Variants in MAGEB17 observed in about 807,000 individuals in gnomAD.
MAGEB17 encodes the protein melanoma-associated antigen B17.
For synonymous variants in MAGEB17, 110 were observed against 112.4 expected (o/e 0.98, Z 0.13); for missense variants, 251 against 281.4 (o/e 0.89, Z 0.77).
At chrX:16,169,148 C>A (rs1247596601) in intron 1 of MAGEB17, among the ~76,000 whole-genome samples, 1 of 111,502 alleles carries the variant, frequency 9.0e-6, no homozygotes, top group East Asian at 2.8e-4. Context: ...TGGTGGGAGT[C>A]AAGGGGAGAA....
chrX:16,167,796 AT>A lies in MAGEB17; in HGVS notation c.-50+14del, dbSNP rs1922972808. 9.0e-6 allele frequency: 1 copy of A among 111,684 alleles called. No individual in the cohort carries two copies. Among genetic ancestry groups the A allele is most frequent in the African/African-American group, 3.3e-5 (1 of 30,648 alleles). 9.2% of individuals were successfully genotyped at this position (111,684 alleles called of 1,213,427 possible). ...GTTGGGTATCAAGGTAAGGACCCTG[AT>A]CGTGGACTGAAAGGCCCACCACACG... is the stretch of plus-strand genomic sequence containing the variant. On this transcript the variant is annotated intron_variant, in intron 1 of 1. Transcript: ENST00000400004.
chrX:16,170,198 AG>A (rs1923025320), intron 1 of MAGEB17, 135 bp from the exon 2 acceptor site: 2 of 905,195 alleles, frequency 2.2e-6, no homozygotes, highest in Non-Finnish European at 2.9e-6. Context: ...CAGGGTCCCC[AG>A]GGGACAGGCT....
chrX:16,170,688 G>A lies in MAGEB17; in HGVS notation c.306G>A (p.Glu102=), dbSNP rs908450732. 33 of 1,165,799 alleles carry A rather than the reference G, an allele frequency of 2.8e-5. No individual in the cohort carries two copies. The highest frequency in any genetic ancestry group is 3.6e-5 in the Non-Finnish European group (31 of 872,901). ...CCTTCCATGGCCCGTCCTCCTCTGA[G>A]AGCACAGGAAGAGATCTTCTGAACA... ...PNSFHGPSSS[E]STGRDLLNTK... The change falls in exon 2 of 2, where the codon GAG becomes GAA. Residue 102 remains glutamate, a synonymous_variant. Coordinates refer to ENST00000400004, the MANE Select transcript of MAGEB17 (RefSeq NM_001277307.2).
Position 16,171,232 on chromosome X carries a change from A to G in MAGEB17, c.850A>G (p.Met284Val), listed in dbSNP as rs1923059202. 1 of 1,210,267 alleles carries G rather than the reference A, an allele frequency of 8.3e-7. No homozygotes were observed. Among genetic ancestry groups the G allele is most frequent in the Non-Finnish European group, 1.1e-6 (1 of 894,905 alleles). Residue 284 changes from methionine to valine, a missense_variant, in exon 2 of 2, where the codon ATG becomes GTG. Physicochemically the swap from Met to Val is conservative, Grantham distance 21 (BLOSUM62 1). Coordinates refer to ENST00000400004, the MANE Select transcript of MAGEB17 (RefSeq NM_001277307.2). Reference protein sequence around the residue: ...GPRARAETSKMKVLEFVAKLN... With the variant: ...GPRARAETSKVKVLEFVAKLN... ...CAGGGCCCGTGCTGAAACCAGCAAA[A>G]TGAAAGTCCTGGAGTTTGTGGCCAA...
intron 1 of MAGEB17, 104 bp downstream of exon 1, chrX:16,167,887 G>A (rs750493401): frequency 1.8e-5 from 2 of 111,934 alleles, no homozygotes; most frequent in Non-Finnish European, 3.8e-5. Flanking sequence ...CCTCAGCCGC[G>A]GGAGGCTCCA....
In MAGEB17 at chrX:16,170,633, C is replaced by T. The variant is rs1482647433; in HGVS notation, c.251C>T (p.Ala84Val). 2 of 1,167,061 alleles carry T rather than the reference C, an allele frequency of 1.7e-6. No homozygotes were observed. The highest frequency in any genetic ancestry group is 2.3e-6 in the Non-Finnish European group (2 of 873,063). ...AVSLTSSDEGAKGQKGESPNS... is the reference protein window; with the variant it reads ...AVSLTSSDEGVKGQKGESPNS... The stretch of plus-strand genomic sequence containing the variant: ...TCACTCACAAGTTCTGATGAAGGTG[C>T]CAAGGGCCAAAAGGGGGAAAGTCCC... The change falls in exon 2 of 2, where the codon GCC (alanine) becomes GTC (valine). Residue 84 changes from alanine (A) to valine (V), a missense_variant. Physicochemically the swap from Ala to Val is moderately conservative, Grantham distance 64. Coordinates refer to ENST00000400004, the MANE Select transcript of MAGEB17 (RefSeq NM_001277307.2).
At position 16,170,320 on chromosome X, in the gene MAGEB17, T is replaced by TCCTC. The variant is rs1256824927; in HGVS notation, c.-49-12_-49-9dup. The TCCTC allele has an allele frequency of 3.6e-6, 4 of 1,118,648 alleles. No individual in the cohort carries two copies. The highest frequency in any genetic ancestry group is 2.4e-6 in the Non-Finnish European group (2 of 850,913). The allele number at this position is 1,118,648 out of a possible 1,213,427, so 92.2% of individuals were successfully genotyped here. A position where few individuals can be genotyped will look rare whatever the true frequency, so the allele number is the denominator to read the frequency against. On this transcript the variant is annotated splice_polypyrimidine_tract_variant and intron_variant, in intron 1 of 1. Transcript: ENST00000400004. ...CCACTGAGGGGCTCACACACTCTGTTCCTCCTGCTCCAGGTGCCCACCTCC... is the reference window on the plus strand; with the variant it reads ...CCACTGAGGGGCTCACACACTCTGTTCCTCCCTCCTGCTCCAGGTGCCCACCTCC...
At position 16,170,805 on chromosome X, in the gene MAGEB17, A is replaced by C; in HGVS notation, c.423A>C (p.Arg141Ser). ...AAGCCATGCTGAAGGTTATCAACAG[A>C]AAGTACAAGCAGCACTTCCCTGAGA... ...TREAMLKVINRKYKQHFPEIL... is the reference protein window; with the variant it reads ...TREAMLKVINSKYKQHFPEIL... Residue 141 changes from arginine to serine, a missense_variant, in exon 2 of 2, where the codon AGA becomes AGC. Arg to Ser is a moderately radical substitution (Grantham distance 110, BLOSUM62 -1). Coordinates refer to ENST00000400004, the MANE Select transcript of MAGEB17 (RefSeq NM_001277307.2). 1 of 1,167,418 alleles carries C rather than the reference A, an allele frequency of 8.6e-7. No individual in the cohort carries two copies. Among genetic ancestry groups the C allele is most frequent in the Non-Finnish European group, 1.1e-6 (1 of 873,120 alleles).
chrX:16,170,238 T>A, intron 1 of MAGEB17, 96 bp from the exon 2 acceptor site: 2 of 1,055,064 alleles, frequency 1.9e-6, no homozygotes, highest in Non-Finnish European at 2.4e-6. Flanking sequence ...CTGGTGGGGC[T>A]ATGGAGCAGG....
At position 16,170,862 on chromosome X, in the gene MAGEB17, G is replaced by A; in HGVS notation, c.480G>A (p.Val160=). 8.6e-7 allele frequency: 1 copy of A among 1,167,176 alleles called. No homozygotes were observed. Residue 160 remains valine (V), a synonymous_variant, in exon 2 of 2, where the codon GTG becomes GTA. Transcript: ENST00000400004. ...ILRRSTENVE[V]VFGLYLKEMD... is the part of the protein sequence containing the mutation. Reference sequence around the variant, plus strand: ...GGAGAAGCACTGAGAACGTAGAGGTGGTCTTTGGCCTCTACCTGAAGGAAA... The same window carrying A: ...GGAGAAGCACTGAGAACGTAGAGGTAGTCTTTGGCCTCTACCTGAAGGAAA...
chrX:16,170,091 G>A (rs910625699), intron 1 of MAGEB17, among the ~76,000 whole-genome samples: 5 of 112,118 alleles, frequency 4.5e-5, no homozygotes, highest in Non-Finnish European at 1.9e-5. Context: ...AAGCCCAGAT[G>A]GCCTCAGTTT....
At chrX:16,169,450 T>C (rs1018113899) in intron 1 of MAGEB17, among the ~76,000 whole-genome samples, 4 of 112,220 alleles carry the variant, frequency 3.6e-5, no homozygotes, top group African/African-American at 9.7e-5. Context: ...TCTTGGGACA[T>C]GATGAGCATT....
rs1184965587 is a variant in MAGEB17 at position 16,167,584 on chromosome X, CA to C, written c.-248del. ...GGAGTCCCGGAGAGGACACTGAGTACACTGGAGAGGACTTCTATGCAAAAAG... is the reference window on the plus strand; with the variant it reads ...GGAGTCCCGGAGAGGACACTGAGTACCTGGAGAGGACTTCTATGCAAAAAG... On this transcript the variant is annotated 5_prime_UTR_variant, in exon 1 of 2. Coordinates refer to ENST00000400004, the MANE Select transcript of MAGEB17 (RefSeq NM_001277307.2). 2.7e-5 allele frequency: 3 copies of C among 110,744 alleles called. No homozygotes were observed. In the Admixed American group the frequency reaches 2.9e-4, roughly 11 times the overall value. The allele number at this position is 110,744 out of a possible 1,213,427, so 9.1% of individuals were successfully genotyped here.
Position 16,170,427 on chromosome X carries a change from C to T in MAGEB17, c.45C>T (p.Arg15=), listed in dbSNP as rs1420151275. 1.0e-5 allele frequency: 12 copies of T among 1,165,201 alleles called. No homozygotes were observed. Among genetic ancestry groups the T allele is most frequent in the Non-Finnish European group, 1.4e-5 (12 of 872,553 alleles). ...GTAAGCGCCGTGCCCGTGAGAAACG[C>T]CGCCAGGCTCGAGGTGAAGACCAAT... ...QASKRRAREK[R]RQARGEDQCL... Residue 15 remains arginine, a synonymous_variant, in exon 2 of 2, where the codon CGC becomes CGT. Transcript: ENST00000400004.
intron 1 of MAGEB17, 76 bp from the exon 2 acceptor site, chrX:16,170,258 G>A (rs1923027057): frequency 9.2e-7 from 1 of 1,081,301 alleles, no homozygotes; most frequent in Non-Finnish European, 1.2e-6. Flanking sequence ...GGTCCTCAAG[G>A]ACACCTGCAT....
At position 16,170,333 on chromosome X, in the gene MAGEB17, G is replaced by A; in HGVS notation, c.-49-1G>A. ...CACACACTCTGTTCCTCCTGCTCCAGGTGCCCACCTCCTGCACCCTCTTGC... is the reference window on the plus strand; with the variant it reads ...CACACACTCTGTTCCTCCTGCTCCAAGTGCCCACCTCCTGCACCCTCTTGC... On this transcript the variant is annotated splice_acceptor_variant, in intron 1 of 1. Coordinates refer to ENST00000400004, the MANE Select transcript of MAGEB17 (RefSeq NM_001277307.2). LOFTEE classifies it low-confidence loss of function (5UTR_SPLICE). 3 of 1,124,753 alleles carry A rather than the reference G, an allele frequency of 2.7e-6. No individual in the cohort carries two copies. The highest frequency in any genetic ancestry group is 1.2e-6 in the Non-Finnish European group (1 of 852,775). The allele number at this position is 1,124,753 out of a possible 1,213,427, so 92.7% of individuals were successfully genotyped here.
At chrX:16,168,124 G>A (rs1310608750) in intron 1 of MAGEB17, among the ~76,000 whole-genome samples, 7 of 111,732 alleles carry the variant, frequency 6.3e-5, no homozygotes, top group African/African-American at 2.3e-4. Flanking sequence ...AGGATTACCC[G>A]AGCCCAGCAG....
chrX:16,169,089 A>C (rs918297756), intron 1 of MAGEB17, among the ~76,000 whole-genome samples: 8 of 111,626 alleles, frequency 7.2e-5, no homozygotes, highest in African/African-American at 2.6e-4. Context: ...CTTTTGCACC[A>C]ATGGGCGAGG....
At chrX:16,168,700 G>A (rs1041311904) in intron 1 of MAGEB17, 1 of 112,549 alleles carries the variant, frequency 8.9e-6, no homozygotes, top group African/African-American at 3.2e-5. Context: ...CCAAATCTGA[G>A]GTCCCATTGA....
Sources: allele counts gnomAD v4.1 joint callset (sites outside exome capture counted in the v4.1 genomes callset), GRCh38; gene constraint gnomAD v4.1.1; transcripts MANE v1.5; gene names NCBI Gene and HGNC (gene_info 2026-07-23, HGNC 2026-07-21).